CERS6: variants seen among roughly 807,000 people sequenced by gnomAD.
CERS6 encodes the protein ceramide synthase 6, also known as LAG1 homolog, ceramide synthase 6.
Under a neutral mutation model 56.8 loss-of-function variants are expected in CERS6, and 26 were observed. That is an observed-to-expected ratio of 0.46 (90% CI 0.34 to 0.63). CERS6 has a LOEUF of 0.63. Among genes scored for constraint, CERS6 ranks in the 30% least tolerant of loss-of-function variants. The pLI is 0.01. For synonymous variants in CERS6, 164 were observed against 173.3 expected, an observed-to-expected ratio of 0.95 and a Z score of 0.42; for missense variants, 415 against 467.5, an observed-to-expected ratio of 0.89 and a Z score of 1.04.
intron 3 of CERS6, among the ~76,000 whole-genome samples, chr2:168,573,279 G>A (rs1174088399): frequency 5.3e-5 from 8 of 152,166 alleles, no homozygotes; most frequent in Non-Finnish European, 1.2e-4. Flanking sequence ...AGCAACAGGA[G>A]CATCTAGCTT....
chr2:168,603,873 T>G (rs1359521528), intron 3 of CERS6, among the ~76,000 whole-genome samples: 1 of 152,210 alleles, frequency 6.6e-6, no homozygotes, highest in African/African-American at 2.4e-5. Context: ...TGAGCATAGT[T>G]TGTGGGCTGA....
At chr2:168,632,403 A>C (rs1455016982) in intron 4 of CERS6, among the ~76,000 whole-genome samples, 1 of 152,168 alleles carries the variant, frequency 6.6e-6, no homozygotes, top group Non-Finnish European at 1.5e-5. Context: ...CCTGTGGTGA[A>C]TTCTATTATA....
chr2:168,588,738 T>C (rs1446190279), intron 3 of CERS6, among the ~76,000 whole-genome samples: 2 of 152,230 alleles, frequency 1.3e-5, no homozygotes, highest in Non-Finnish European at 1.5e-5. Context: ...TTCAAGACCC[T>C]GCTTTCAGTT....
At chr2:168,690,982 C>CCT (rs1686484985) in intron 4 of CERS6, 52 bp from the exon 5 acceptor site, 5 of 1,509,594 alleles carry the variant, frequency 3.3e-6, no homozygotes, top group Non-Finnish European at 3.7e-6. Flanking sequence ...CCTTTTTTAT[C>CCT]CTCTTATCCA....
chr2:168,541,120 C>CTTT (rs58965638), intron 1 of CERS6, among the ~76,000 whole-genome samples: 12 of 151,688 alleles, frequency 7.9e-5, no homozygotes, highest in Admixed American at 1.3e-4. Flanking sequence ...GTGCCAGGTT[C>CTTT]TTTTAATAAA....
intron 4 of CERS6, among the ~76,000 whole-genome samples, chr2:168,673,586 A>G (rs1485964427): frequency 6.6e-6 from 1 of 152,202 alleles, no homozygotes; most frequent in African/African-American, 2.4e-5. Context: ...AATTTTATAC[A>G]TGAGCAGCCA....
intron 3 of CERS6, among the ~76,000 whole-genome samples, chr2:168,604,149 G>A (rs1683996876): frequency 6.6e-6 from 1 of 152,328 alleles, no homozygotes; most frequent in Middle Eastern, 3.4e-3. Context: ...ATTCCTTGGA[G>A]CCATCCTTAA....
rs1178388235 is a variant in CERS6 at position 168,456,588 on chromosome 2, G to T, written c.140G>T (p.Cys47Phe). The part of the protein sequence containing the change: ...DLYLAFPLAF[C>F]IFMVRLIFER... The stretch of plus-strand genomic sequence containing the variant: ...TATCTCGCTTTTCCCCTGGCCTTCT[G>T]TATCTTCATGGTGCGGCTCATCTTC... Residue 47 changes from cysteine to phenylalanine, a missense_variant, in exon 1 of 10, where the codon TGT becomes TTT. Cys to Phe is a radical substitution (Grantham distance 205). Coordinates refer to ENST00000305747, the MANE Select transcript of CERS6 (RefSeq NM_203463.3). The surrounding 1 kb of genome is among the most constrained non-coding windows in gnomAD (Gnocchi z 4.1). 21 of 1,613,862 alleles carry T rather than the reference G, an allele frequency of 1.3e-5. No homozygotes were observed. Among genetic ancestry groups the T allele is most frequent in the Non-Finnish European group, 1.8e-5 (21 of 1,179,832 alleles).
intron 3 of CERS6, among the ~76,000 whole-genome samples, chr2:168,627,661 T>G (rs1684620728): frequency 6.6e-6 from 1 of 152,056 alleles, no homozygotes; most frequent in African/African-American, 2.4e-5. Flanking sequence ...AAACCTAGGA[T>G]TCAACATTTT....
At chr2:168,647,238 T>C (rs941055404) in intron 4 of CERS6, among the ~76,000 whole-genome samples, 7 of 151,800 alleles carry the variant, frequency 4.6e-5, no homozygotes, top group African/African-American at 1.7e-4. Context: ...TGTAGAGATC[T>C]TTTACCTTCC....
chr2:168,474,408 A>C (rs1270447931), intron 1 of CERS6, among the ~76,000 whole-genome samples: 1 of 152,244 alleles, frequency 6.6e-6, no homozygotes, highest in Non-Finnish European at 1.5e-5. Flanking sequence ...TGATAAATGC[A>C]TTGAAAACCT....
intron 8 of CERS6, among the ~76,000 whole-genome samples, chr2:168,733,596 G>A (rs931471223): frequency 3.3e-5 from 5 of 152,176 alleles, no homozygotes; most frequent in Admixed American, 6.5e-5. Flanking sequence ...TACTAGAGCC[G>A]TCATTTAACC....
chr2:168,482,556 T>G (rs1694195771), intron 1 of CERS6, among the ~76,000 whole-genome samples: 1 of 152,250 alleles, frequency 6.6e-6, no homozygotes, highest in Non-Finnish European at 1.5e-5. Context: ...GCATAATTCA[T>G]GCAAAAAATT....
rs138564555 is a variant in CERS6 at position 168,688,184 on chromosome 2, A to T, written c.466-2850A>T. Among the ~76,000 whole-genome samples the T allele has an allele frequency of 2.4e-3, 363 of 152,290 alleles. 1 individual carries two copies. The highest frequency in any genetic ancestry group is 8.2e-3 in the African/African-American group (340 of 41,564). ...ATTGAGGGGTTTTAGTGTATTTTTA[A>T]TCACCATTCCTCTATGATGTCTAAA... On this transcript the variant is annotated intron_variant, in intron 4 of 9. Transcript: ENST00000305747.
intron 1 of CERS6, among the ~76,000 whole-genome samples, chr2:168,484,264 C>T (rs1694235325): frequency 7.0e-6 from 1 of 143,030 alleles, no homozygotes; most frequent in South Asian, 2.4e-4. Flanking sequence ...TTACCACAGC[C>T]TCCACCTCCC....
chr2:168,478,620 C>T (rs1694121653), intron 1 of CERS6, among the ~76,000 whole-genome samples: 1 of 152,190 alleles, frequency 6.6e-6, no homozygotes, highest in African/African-American at 2.4e-5. Context: ...GACTTGGAAT[C>T]TGGGCATCAC....
At chr2:168,751,881 G>A (rs1684279932) in intron 8 of CERS6, among the ~76,000 whole-genome samples, 1 of 152,072 alleles carries the variant, frequency 6.6e-6, no homozygotes, top group Non-Finnish European at 1.5e-5. Flanking sequence ...TTGCTTTCCG[G>A]CCTGTACATG....
chr2:168,592,810 G>T (rs1028532444), intron 3 of CERS6, among the ~76,000 whole-genome samples: 25 of 152,076 alleles, frequency 1.6e-4, no homozygotes, highest in African/African-American at 5.8e-4. Context: ...CCCTTTTTGG[G>T]TGTTATTATG....
At chr2:168,732,196 C>G (rs1443938667) in intron 8 of CERS6, among the ~76,000 whole-genome samples, 1 of 152,168 alleles carries the variant, frequency 6.6e-6, no homozygotes, top group Non-Finnish European at 1.5e-5. Context: ...ATTCCCTACT[C>G]TCAGTAGCAG....
Sources: allele counts gnomAD v4.1 joint callset (sites outside exome capture counted in the v4.1 genomes callset), GRCh38; gene constraint gnomAD v4.1.1; non-coding constraint Gnocchi (gnomAD v3.1); transcripts MANE v1.5; gene names NCBI Gene and HGNC (gene_info 2026-07-23, HGNC 2026-07-21).